DLG1: variants seen among roughly 807,000 people sequenced by gnomAD.
DLG1 encodes the protein disks large homolog 1.
Under a neutral mutation model 123.4 loss-of-function variants are expected in DLG1, and 42 were observed. The observed-to-expected ratio is 0.34, with a 90% confidence interval of 0.27 to 0.44. The LOEUF is 0.44. DLG1 is among the 20% of genes least tolerant of loss of function. DLG1 has a pLI of 1.00. For synonymous variants in DLG1, 317 were observed against 356.2 expected (o/e 0.89, Z 1.24); for missense variants, 942 against 1,082.6 (o/e 0.87, Z 1.82).
chr3:197,073,443 T>C (rs1054445408), intron 18 of DLG1, among the ~76,000 whole-genome samples: 3 of 152,230 alleles, frequency 2.0e-5, no homozygotes, highest in African/African-American at 7.2e-5. Flanking sequence ...TAAAGGAATC[T>C]TACCTAGTTT....
At position 197,115,910 on chromosome 3, in the gene DLG1, T is replaced by G. The variant is rs112322349; in HGVS notation, c.1443+17A>C. On this transcript the variant is annotated intron_variant, in intron 13 of 24. Transcript: ENST00000667157. The stretch of plus-strand genomic sequence containing the variant: ...AGTGAAAATAACAAAAACGTGATCT[T>G]GACTAACGTGTCTTACCGATATAAT... The G allele has an allele frequency of 7.5e-4, 1,205 of 1,605,838 alleles. 9 individuals carry two copies. In the African/African-American group the frequency reaches 0.013, roughly 17 times the overall value.
intron 4 of DLG1, among the ~76,000 whole-genome samples, chr3:197,265,085 C>A (rs1761110958): frequency 6.6e-6 from 1 of 152,178 alleles, no homozygotes; most frequent in Non-Finnish European, 1.5e-5. Context: ...CTGTAAGTAT[C>A]TGTAAGTACC....
intron 18 of DLG1, among the ~76,000 whole-genome samples, chr3:197,074,587 A>ACAT (rs1746053918): frequency 6.6e-6 from 1 of 152,136 alleles, no homozygotes; most frequent in Admixed American, 6.5e-5. Flanking sequence ...TCTATAGCAT[A>ACAT]CATAAACTGT....
chr3:197,242,729 T>C (rs779127637), intron 4 of DLG1, among the ~76,000 whole-genome samples: 4 of 151,686 alleles, frequency 2.6e-5, no homozygotes, highest in East Asian at 3.9e-4. Flanking sequence ...CAAATGAAAA[T>C]GGAAACACAA....
intron 24 of DLG1, among the ~76,000 whole-genome samples, chr3:197,046,902 A>AC: frequency 7.7e-6 from 1 of 129,428 alleles, no homozygotes; most frequent in Non-Finnish European, 1.5e-5. Context: ...ACAAAACGAA[A>AC]CAAAAAACAA....
intron 3 of DLG1, among the ~76,000 whole-genome samples, chr3:197,283,657 T>C (rs950459507): frequency 6.6e-6 from 1 of 152,180 alleles, no homozygotes; most frequent in Non-Finnish European, 1.5e-5. Context: ...CACGCTTAAT[T>C]CCTTATTCAC....
intron 4 of DLG1, among the ~76,000 whole-genome samples, chr3:197,200,704 A>G (rs1029587182): frequency 5.9e-5 from 9 of 152,204 alleles, no homozygotes; most frequent in Non-Finnish European, 1.2e-4. Context: ...TACATCACAT[A>G]AACAGAAATA....
chr3:197,141,993 G>A (rs755569240), intron 7 of DLG1, among the ~76,000 whole-genome samples: 1 of 152,138 alleles, frequency 6.6e-6, no homozygotes, highest in Non-Finnish European at 1.5e-5. Context: ...AGGCGTGAGT[G>A]CAGATATTCT....
chr3:197,195,200 C>A (rs1721813496), intron 4 of DLG1, among the ~76,000 whole-genome samples: 1 of 151,322 alleles, frequency 6.6e-6, no homozygotes, highest in South Asian at 2.1e-4. Context: ...TCGAATAAAC[C>A]TACTCATAAA....
chr3:197,187,603 A>G (rs1235383697), intron 5 of DLG1, among the ~76,000 whole-genome samples: 1 of 152,212 alleles, frequency 6.6e-6, no homozygotes, highest in East Asian at 1.9e-4. Flanking sequence ...AAAACCAAAT[A>G]TAAATTACTT....
chr3:197,072,187 C>T (rs1046067367), intron 18 of DLG1, among the ~76,000 whole-genome samples: 4 of 151,794 alleles, frequency 2.6e-5, no homozygotes, highest in Admixed American at 6.6e-5. Context: ...GACATTTTAC[C>T]ACGGTTTTTT....
chr3:197,240,477 G>C (rs572482836), intron 4 of DLG1, among the ~76,000 whole-genome samples: 11 of 152,040 alleles, frequency 7.2e-5, no homozygotes, highest in Non-Finnish European at 1.6e-4. Context: ...GAATAAAACA[G>C]CCACAACAAA....
chr3:197,133,960 G>A (rs182272169), intron 10 of DLG1, among the ~76,000 whole-genome samples: 4 of 152,320 alleles, frequency 2.6e-5, no homozygotes, highest in Admixed American at 2.6e-4. Flanking sequence ...TTAAGAGAGA[G>A]ACTTGCCACA....
intron 4 of DLG1, among the ~76,000 whole-genome samples, chr3:197,252,204 C>T (rs931967210): frequency 6.6e-5 from 10 of 152,092 alleles, no homozygotes; most frequent in African/African-American, 2.4e-4. Context: ...GATGCTTCTA[C>T]CCATTTCTTT....
At chr3:197,296,822 T>C (rs1010917896) in intron 2 of DLG1, 3 of 347,160 alleles carry the variant, frequency 8.6e-6, no homozygotes, top group Non-Finnish European at 5.2e-6. Context: ...CAATTTGTCA[T>C]CATAATCCAA....
chr3:197,154,532 G>A (rs544498154), intron 5 of DLG1, among the ~76,000 whole-genome samples: 24 of 151,984 alleles, frequency 1.6e-4, no homozygotes, highest in South Asian at 8.3e-4. Flanking sequence ...AAAATTAGCC[G>A]GGCGTGGCGG....
At chr3:197,077,733 T>C (rs1377354306) in intron 17 of DLG1, among the ~76,000 whole-genome samples, 1 of 152,216 alleles carries the variant, frequency 6.6e-6, no homozygotes, top group Non-Finnish European at 1.5e-5. Flanking sequence ...TTTAAGAGCA[T>C]GTAGCACAAG....
intron 5 of DLG1, among the ~76,000 whole-genome samples, chr3:197,176,564 T>C (rs1203241426): frequency 6.6e-6 from 1 of 152,156 alleles, no homozygotes; most frequent in African/African-American, 2.4e-5. Context: ...AGGGTGTGTA[T>C]CCTTTTCAGG....
intron 3 of DLG1, among the ~76,000 whole-genome samples, chr3:197,292,801 C>A (rs1016515911): frequency 6.6e-5 from 10 of 152,166 alleles, no homozygotes; most frequent in Admixed American, 6.6e-5. Context: ...TTATTTATTG[C>A]AGACAAAATA....
Sources: gnomAD v4.1 joint callset for allele counts (sites outside exome capture counted in the v4.1 genomes callset) on GRCh38, gnomAD v4.1.1 for gene constraint, MANE v1.5 for transcripts, NCBI Gene and HGNC (gene_info 2026-07-23, HGNC 2026-07-21) for gene names.